The following CDKL4 variants were observed in gnomAD, a reference collection of about 807,000 sequenced individuals.
CDKL4 encodes cyclin-dependent kinase-like 4.
A neutral mutation model predicts 42.0 loss-of-function variants in CDKL4; 44 were observed. The observed-to-expected ratio is 1.05, with a 90% CI of 0.82 to 1.35. The LOEUF is 1.35. Ranked by LOEUF, CDKL4 falls within the 40% of genes most tolerant of loss-of-function variation. The pLI is 0.00. For missense variants in CDKL4, 393 were observed against 369.9 expected (o/e 1.06, Z -0.51); for synonymous variants, 120 against 121.6 (o/e 0.99, Z 0.09).
At chr2:39,178,485 A>C in intron 9 of CDKL4, 1 of 1,341,062 alleles carries the variant, frequency 7.5e-7, no homozygotes, top group Non-Finnish European at 1.0e-6. Flanking sequence ...ATACTGTTTT[A>C]GGTGCCGGGT....
chr2:39,213,321 C>T (rs538586093), intron 4 of CDKL4, 79 bp downstream of exon 4: 1 of 984,148 alleles, frequency 1.0e-6, no homozygotes, highest in African/African-American at 1.6e-5. Context: ...CTTCAGCTCT[C>T]CAAACAAAAC....
intron 1 of CDKL4, among the ~76,000 whole-genome samples, chr2:39,236,859 A>G (rs1374121395): frequency 6.6e-6 from 1 of 152,238 alleles, no homozygotes; most frequent in Non-Finnish European, 1.5e-5. Flanking sequence ...AAATCTGATT[A>G]CAACCATAAC....
At chr2:39,223,219 G>A (rs963213559) in intron 3 of CDKL4, among the ~76,000 whole-genome samples, 5 of 151,948 alleles carry the variant, frequency 3.3e-5, no homozygotes, top group African/African-American at 9.7e-5. Flanking sequence ...GGAAAATTAG[G>A]GGAGTCCAAT....
downstream of CDKL4, among the ~76,000 whole-genome samples, chr2:39,172,700 G>A (rs1012627100): frequency 5.3e-5 from 8 of 152,244 alleles, no homozygotes; most frequent in Non-Finnish European, 1.0e-4. Flanking sequence ...TCCTGCCTCA[G>A]CCTCCTGAGT....
intron 5 of CDKL4, among the ~76,000 whole-genome samples, chr2:39,191,018 T>C (rs1422585599): frequency 6.6e-6 from 1 of 152,116 alleles, no homozygotes; most frequent in African/African-American, 2.4e-5. Context: ...TGCAGAGACA[T>C]GGAGAATGCC....
At chr2:39,225,057 C>T (rs1015123840) in intron 3 of CDKL4, among the ~76,000 whole-genome samples, 10 of 152,162 alleles carry the variant, frequency 6.6e-5, no homozygotes, top group African/African-American at 2.4e-4. Context: ...TGACAGCTGA[C>T]ATCCTTGTCT....
intron 1 of CDKL4, among the ~76,000 whole-genome samples, chr2:39,241,115 G>A (rs2148412871): frequency 6.6e-6 from 1 of 152,314 alleles, no homozygotes; most frequent in South Asian, 2.1e-4. Flanking sequence ...CTGCAGATTT[G>A]ATATCAGTTT....
intron 3 of CDKL4, among the ~76,000 whole-genome samples, chr2:39,218,024 C>A (rs983209881): frequency 1.3e-5 from 2 of 152,144 alleles, no homozygotes; most frequent in Middle Eastern, 6.8e-3. Context: ...TGAGCCACTG[C>A]GCCTGGCCCC....
exon 10 of CDKL4, chr2:39,175,668 C>T (rs920648157): frequency 2.8e-5 from 5 of 177,358 alleles, no homozygotes; most frequent in Non-Finnish European, 6.1e-5. Flanking sequence ...AGCAAGATGA[C>T]ACATGTAAAT....
intron 1 of CDKL4, among the ~76,000 whole-genome samples, chr2:39,238,362 G>A (rs1679476211): frequency 6.6e-6 from 1 of 152,196 alleles, no homozygotes; most frequent in South Asian, 2.1e-4. Context: ...GAGCCCAGGA[G>A]TTTGAGGCTA....
rs1296251976 is a variant in CDKL4, at chr2:39,185,185, TATATACATATATATACACATAC to T, written c.736-560_736-539del. Among the ~76,000 whole-genome samples, 49 of 100,406 alleles carry T rather than the reference TATATACATATATATACACATAC, an allele frequency of 4.9e-4. 2 individuals are homozygous for T. Among genetic ancestry groups the T allele is most frequent in the Non-Finnish European group, 7.0e-4 (36 of 51,690 alleles). The allele number at this position is 100,406 out of a possible 152,430, so 65.9% of individuals were successfully genotyped here. A position where few individuals can be genotyped will look rare whatever the true frequency, so the allele number is the denominator to read the frequency against. On this transcript the variant is annotated intron_variant, in intron 7 of 9. Transcript: ENST00000451199. Reference sequence around the variant, plus strand: ...ACATATGTATATATATACATATGTGTATATACATATATATACACATACGTATATATACATATATACACATACG... The same window carrying T: ...ACATATGTATATATATACATATGTGTGTATATATACATATATACACATACG...
chr2:39,178,639 T>A, intron 9 of CDKL4: 1 of 1,587,438 alleles, frequency 6.3e-7, no homozygotes, highest in Non-Finnish European at 8.6e-7. Flanking sequence ...GTCACCATAC[T>A]GTTCTGCAAT....
intron 1 of CDKL4, among the ~76,000 whole-genome samples, chr2:39,241,015 C>T (rs539666589): frequency 2.1e-3 from 321 of 152,256 alleles, no homozygotes; most frequent in African/African-American, 7.4e-3. Context: ...AAACAAAATG[C>T]GACGTGTGAT....
intron 9 of CDKL4, among the ~76,000 whole-genome samples, chr2:39,176,361 T>G (rs1432181198): frequency 2.0e-5 from 3 of 152,178 alleles, no homozygotes; most frequent in African/African-American, 7.2e-5. Context: ...AGTCAATACT[T>G]AAAAGGTAGA....
chr2:39,216,413 T>C (rs1295820183), intron 3 of CDKL4, among the ~76,000 whole-genome samples: 1 of 152,148 alleles, frequency 6.6e-6, no homozygotes, highest in Non-Finnish European at 1.5e-5. Context: ...CAGAAATCAG[T>C]CCATGGAGGG....
chr2:39,223,896 C>G (rs1322675378), intron 3 of CDKL4, among the ~76,000 whole-genome samples: 1 of 152,044 alleles, frequency 6.6e-6, no homozygotes, highest in Non-Finnish European at 1.5e-5. Context: ...CTGCACCCAG[C>G]CTCCTTCTCT....
At chr2:39,179,944 T>C (rs903661492) in intron 8 of CDKL4, among the ~76,000 whole-genome samples, 1 of 152,154 alleles carries the variant, frequency 6.6e-6, no homozygotes, top group Non-Finnish European at 1.5e-5. Context: ...CTTCTATATT[T>C]GAGACCATTA....
rs530330965 is a variant in CDKL4, at chr2:39,195,637, A to T, written c.455-5135T>A. On this transcript the variant is annotated intron_variant, in intron 5 of 9. Transcript: ENST00000451199. ...TTACTTTTTATTTTTTACATTTTTA[A>T]TTAATTTTTTTTTTTTTTTTTTTGA... Among the ~76,000 whole-genome samples the T allele has an allele frequency of 4.1e-5, 6 of 147,832 alleles. No individual in the cohort carries two copies. In the East Asian group the frequency reaches 7.9e-4, roughly 20 times the overall value.
In CDKL4 at chr2:39,211,100, G is replaced by C. The variant is rs892717516; in HGVS notation, c.363+2300C>G. ...TCTAGGCACCAACTCAAAAGGGCTAGATATATTTTTTTAAAAGCTATCATT... is the reference window on the plus strand; with the variant it reads ...TCTAGGCACCAACTCAAAAGGGCTACATATATTTTTTTAAAAGCTATCATT... On this transcript the variant is annotated intron_variant, in intron 4 of 9. Coordinates refer to ENST00000451199, the Ensembl canonical transcript of CDKL4. 2.6e-5 allele frequency among the ~76,000 whole-genome samples: 4 copies of C among 152,326 alleles called. No individual in the cohort carries two copies. In the East Asian group the frequency reaches 7.7e-4, roughly 29 times the overall value.
Sources: allele counts gnomAD v4.1 joint callset (sites outside exome capture counted in the v4.1 genomes callset), GRCh38; gene constraint gnomAD v4.1.1; transcripts MANE v1.5; gene names NCBI Gene and HGNC (gene_info 2026-07-23, HGNC 2026-07-21).